CAMSAP2: variants seen among roughly 807,000 people sequenced by gnomAD.
CAMSAP2 encodes the protein calmodulin-regulated spectrin-associated protein 2.
Under a neutral mutation model 146.1 loss-of-function variants are expected in CAMSAP2, and 26 were observed. The ratio of observed to expected loss-of-function variants is 0.18; its 90% CI spans 0.13 to 0.25. The LOEUF (loss-of-function observed/expected upper bound fraction) is 0.25. CAMSAP2 is among the 10% of genes least tolerant of loss of function. CAMSAP2 has a pLI of 1.00. For missense variants in CAMSAP2, 1,381 were observed against 1,759.3 expected (o/e 0.78, Z 3.85); for synonymous variants, 499 against 596.6 (o/e 0.84, Z 2.38).
At chr1:200,854,169 A>G (rs912231106) in intron 13 of CAMSAP2, among the ~76,000 whole-genome samples, 2 of 151,970 alleles carry the variant, frequency 1.3e-5, no homozygotes, top group African/African-American at 2.4e-5. Context: ...TTTTGTACAG[A>G]TGGGGTTTCT....
chr1:200,815,010 C>G (rs1288426103), intron 3 of CAMSAP2, among the ~76,000 whole-genome samples: 1 of 151,324 alleles, frequency 6.6e-6, no homozygotes, highest in Non-Finnish European at 1.5e-5. Flanking sequence ...CTTGAATAAT[C>G]TGATGAGAAA....
intron 7 of CAMSAP2, among the ~76,000 whole-genome samples, chr1:200,842,980 A>G (rs969807224): frequency 2.0e-5 from 3 of 151,902 alleles, no homozygotes; most frequent in African/African-American, 7.3e-5. Flanking sequence ...CATCTCAAAA[A>G]AAAAAGAAAA....
chr1:200,787,161 G>C (rs1361769823), intron 2 of CAMSAP2, among the ~76,000 whole-genome samples: 1 of 152,138 alleles, frequency 6.6e-6, no homozygotes, highest in Non-Finnish European at 1.5e-5. Context: ...CATGGATCAG[G>C]GAGTAATATT....
chr1:200,830,473 T>C (rs969026726), intron 4 of CAMSAP2, among the ~76,000 whole-genome samples: 1 of 152,242 alleles, frequency 6.6e-6, no homozygotes, highest in East Asian at 1.9e-4. Flanking sequence ...GAAAACAAAC[T>C]ACTAGTCCCA....
chr1:200,762,515 G>C (rs1394019961), intron 2 of CAMSAP2, among the ~76,000 whole-genome samples: 1 of 152,124 alleles, frequency 6.6e-6, no homozygotes, highest in Non-Finnish European at 1.5e-5. Flanking sequence ...CATTCCCCTA[G>C]CTGGACACTC....
chr1:200,848,167 A>T lies in CAMSAP2; in HGVS notation c.1398A>T (p.Lys466Asn). The change falls in exon 11 of 17, where the codon AAA becomes AAT. Residue 466 changes from lysine (K) to asparagine (N), a missense_variant. Physicochemically the swap from Lys to Asn is moderately conservative, Grantham distance 94 (BLOSUM62 0). Around this residue, in one of 4 missense-constraint regions of CAMSAP2, gnomAD observed 447 missense variants for 462.2 expected, o/e 0.97. Transcript: ENST00000358823. ...GLTLNNSHVS[K>N]HIRKNLSFKP... ...CTCTGAACAACAGTCATGTATCTAA[A>T]CACATTAGGAAAAATTTGTCCTTCA... is the stretch of plus-strand genomic sequence containing the variant. The T allele has an allele frequency of 6.2e-7, 1 of 1,613,930 alleles. No homozygotes were observed. The highest frequency in any genetic ancestry group is 8.5e-7 in the Non-Finnish European group (1 of 1,179,868).
chr1:200,759,486 A>T (rs1664741498), intron 1 of CAMSAP2, among the ~76,000 whole-genome samples: 1 of 152,104 alleles, frequency 6.6e-6, no homozygotes, highest in Non-Finnish European at 1.5e-5. Flanking sequence ...CATATTGGTC[A>T]GGCAGGTCTG....
At chr1:200,827,183 G>A (rs575390471) in intron 4 of CAMSAP2, among the ~76,000 whole-genome samples, 1 of 152,230 alleles carries the variant, frequency 6.6e-6, no homozygotes, top group Non-Finnish European at 1.5e-5. Context: ...TACCAGTTTA[G>A]ATCAATGGAG....
chr1:200,816,045 C>G (rs973272624), intron 4 of CAMSAP2, among the ~76,000 whole-genome samples: 4 of 152,150 alleles, frequency 2.6e-5, no homozygotes, highest in Non-Finnish European at 5.9e-5. Flanking sequence ...CCTGTAATAC[C>G]AGCACTTTGG....
chr1:200,842,281 T>C (rs1343706421), intron 7 of CAMSAP2, among the ~76,000 whole-genome samples, 194 bp downstream of exon 7: 1 of 152,206 alleles, frequency 6.6e-6, no homozygotes, highest in Non-Finnish European at 1.5e-5. Context: ...GGAATGGCTT[T>C]GAATTTGAAG....
rs1664095679 is a variant in CAMSAP2, at chr1:200,739,751, C to T, written c.-77C>T. The T allele has an allele frequency of 3.4e-6, 5 of 1,467,718 alleles. No homozygotes were observed. Among genetic ancestry groups the T allele is most frequent in the Non-Finnish European group, 4.6e-6 (5 of 1,084,134 alleles). 90.9% of individuals were successfully genotyped at this position (1,467,718 alleles called of 1,614,324 possible). A position where few individuals can be genotyped will look rare whatever the true frequency, so the allele number is the denominator to read the frequency against. On this transcript the variant is annotated 5_prime_UTR_variant, in exon 1 of 17. Transcript: ENST00000358823. The surrounding 1 kb of genome is among the most constrained non-coding windows in gnomAD (Gnocchi z 4.8). ...GATGGTTTGAGCTTGCTTCTCCCTC[C>T]CTCCCGACCCCCGTGGTGGCGAGGC... is the stretch of plus-strand genomic sequence containing the variant.
intron 2 of CAMSAP2, among the ~76,000 whole-genome samples, chr1:200,801,081 T>C (rs1010973807): frequency 3.3e-5 from 5 of 152,050 alleles, no homozygotes; most frequent in African/African-American, 1.2e-4. Context: ...CTGGCCAACA[T>C]TGTGAAACCC....
intron 4 of CAMSAP2, among the ~76,000 whole-genome samples, chr1:200,817,174 A>ATACACACACACACACATATGTGTGTGTG: frequency 1.6e-5 from 1 of 63,196 alleles, no homozygotes; most frequent in Non-Finnish European, 2.7e-5. Flanking sequence ...ACGTGTGTGT[A>ATACACACACACACACATATGTGTGTGTG]TATACACACA....
intron 6 of CAMSAP2, among the ~76,000 whole-genome samples, chr1:200,834,817 T>G (rs1038465181): frequency 1.3e-5 from 2 of 152,112 alleles, no homozygotes; most frequent in Non-Finnish European, 2.9e-5. Context: ...GAGGTTGATA[T>G]TGGAGGATTG....
At chr1:200,822,438 G>A (rs946146408) in intron 4 of CAMSAP2, among the ~76,000 whole-genome samples, 4 of 151,848 alleles carry the variant, frequency 2.6e-5, no homozygotes, top group Non-Finnish European at 5.9e-5. Flanking sequence ...TTAAAGAATC[G>A]GGCTATTTTA....
chr1:200,780,814 AG>A (rs1346745243), intron 2 of CAMSAP2, among the ~76,000 whole-genome samples: 1 of 152,190 alleles, frequency 6.6e-6, no homozygotes, highest in African/African-American at 2.4e-5. Flanking sequence ...TTGTCTTTGT[AG>A]TTTATAAAAA....
chr1:200,831,188 A>G lies in CAMSAP2; in HGVS notation c.646-1012A>G, dbSNP rs569543198. Among the ~76,000 whole-genome samples, 7 of 152,228 alleles carry G rather than the reference A, an allele frequency of 4.6e-5. No individual in the cohort carries two copies. The East Asian group carries it at 1.4e-3, about 30-fold the overall frequency. On this transcript the variant is annotated intron_variant, in intron 4 of 16. Coordinates refer to ENST00000358823, the MANE Select transcript of CAMSAP2 (RefSeq NM_203459.4). ...TTGCTAGCAAAATACTTTCGTGTGT[A>G]CATTCACTAAATCTTCAGCATTATT... is the stretch of plus-strand genomic sequence containing the variant.
chr1:200,768,418 T>A (rs114715122), intron 2 of CAMSAP2, among the ~76,000 whole-genome samples: 426 of 152,236 alleles, frequency 2.8e-3, no homozygotes, highest in African/African-American at 9.5e-3. Context: ...TTAGATAGGG[T>A]TAGGGCATGA....
At chr1:200,854,520 T>C (rs1297877597) in intron 13 of CAMSAP2, among the ~76,000 whole-genome samples, 1 of 152,204 alleles carries the variant, frequency 6.6e-6, no homozygotes, top group East Asian at 1.9e-4. Flanking sequence ...TTTTTGTTAT[T>C]GTTTTTTTCT....
Sources: allele counts gnomAD v4.1 joint callset (sites outside exome capture counted in the v4.1 genomes callset), GRCh38; gene constraint gnomAD v4.1.1; regional missense constraint gnomAD v4.1.1; non-coding constraint Gnocchi (gnomAD v3.1); transcripts MANE v1.5; gene names NCBI Gene and HGNC (gene_info 2026-07-23, HGNC 2026-07-21).